Variants in TENM3 observed in about 807,000 individuals in gnomAD.
The protein encoded by TENM3 is teneurin transmembrane protein 3.
In TENM3, 63 loss-of-function variants were observed where a neutral mutation model predicts 255.1. That is an observed-to-expected ratio of 0.25 (90% CI 0.20 to 0.30). The LOEUF (loss-of-function observed/expected upper bound fraction) is 0.30. Among genes scored for constraint, TENM3 ranks in the 10% least tolerant of loss-of-function variants. The probability of loss-of-function intolerance (pLI) is 1.00; values close to 1 mark genes in which losing one functional copy is unlikely to be tolerated. For synonymous variants in TENM3, 1,306 were observed against 1,322.3 expected (o/e 0.99, Z 0.27); for missense variants, 2,929 against 3,461.1 (o/e 0.85, Z 3.86).
chr4:181,467,133 T>A, the TENM3 span, among the ~76,000 whole-genome samples: 15 of 61,116 alleles, frequency 2.5e-4, no homozygotes, highest in African/African-American at 3.6e-4. Context: ...ATATTTTTTT[T>A]TTTTTTTTTT....
rs752326547 is a variant in TENM3, at chr4:182,789,302, C to T, written c.5514C>T (p.Ser1838=). The T allele has an allele frequency of 3.7e-6, 6 of 1,613,654 alleles. No homozygotes were observed. In the Admixed American group the frequency reaches 5.0e-5, roughly 13 times the overall value. The change falls in exon 25 of 28, where the codon AGC becomes AGT. Residue 1838 remains serine, a synonymous_variant. Coordinates refer to ENST00000511685, the MANE Select transcript of TENM3 (RefSeq NM_001080477.4). This position sits in a 1 kb window ranked among gnomAD's most constrained non-coding sequence, Gnocchi z 4.4. ...QIASIQRGTT[S]EKVDYDGQGR... ...CCAGCATCCAGCGAGGCACCACTAG[C>T]GAGAAAGTAGATTATGACGGACAGG...
the TENM3 span, among the ~76,000 whole-genome samples, chr4:182,057,404 TTTTC>T: frequency 6.8e-6 from 1 of 147,528 alleles, no homozygotes; most frequent in Non-Finnish European, 1.5e-5. Flanking sequence ...TTTTCTTTTC[TTTTC>T]TTTTTTTTTT....
chr4:182,302,071 G>A (rs1309657109), intron 1 of TENM3, among the ~76,000 whole-genome samples: 1 of 152,160 alleles, frequency 6.6e-6, no homozygotes, highest in Non-Finnish European at 1.5e-5. Context: ...CAATTAGAGT[G>A]TCTGGATTAA....
the TENM3 span, among the ~76,000 whole-genome samples, chr4:182,064,549 C>T: frequency 1.3e-5 from 2 of 151,946 alleles, no homozygotes; most frequent in Non-Finnish European, 1.5e-5. Context: ...CACCACTGCT[C>T]CAGCCTGGGC....
chr4:181,876,984 TG>T, the TENM3 span: 1 of 152,140 alleles, frequency 6.6e-6, no homozygotes, highest in African/African-American at 2.4e-5. Flanking sequence ...TCAGAGTTAT[TG>T]GAAAGTGTAT....
the TENM3 span, among the ~76,000 whole-genome samples, chr4:181,462,450 C>T: frequency 7.0e-4 from 106 of 152,296 alleles, no homozygotes; most frequent in African/African-American, 2.2e-3. Flanking sequence ...TGAAAACTGC[C>T]TCCAGGCAGT....
chr4:181,595,119 C>G, the TENM3 span, among the ~76,000 whole-genome samples: 1 of 152,122 alleles, frequency 6.6e-6, no homozygotes, highest in Non-Finnish European at 1.5e-5. Flanking sequence ...CCACTTCACC[C>G]TGCATGATTT....
intron 4 of TENM3, among the ~76,000 whole-genome samples, chr4:182,613,819 GT>G: frequency 6.6e-6 from 1 of 152,168 alleles, no homozygotes; most frequent in Non-Finnish European, 1.5e-5. Flanking sequence ...AGTAAAACCA[GT>G]TTTTGTCTGA....
the TENM3 span, among the ~76,000 whole-genome samples, chr4:181,890,479 T>G: frequency 6.6e-6 from 1 of 152,002 alleles, no homozygotes; most frequent in African/African-American, 2.4e-5. Context: ...AAGAAAAAAA[T>G]AGATCCCTTA....
At chr4:181,780,996 C>A in the TENM3 span, among the ~76,000 whole-genome samples, 1 of 152,074 alleles carries the variant, frequency 6.6e-6, no homozygotes, top group South Asian at 2.1e-4. Context: ...TGTTTTGGTA[C>A]CAGTACCATG....
chr4:181,788,754 T>C, the TENM3 span, among the ~76,000 whole-genome samples: 1 of 152,160 alleles, frequency 6.6e-6, no homozygotes, highest in Admixed American at 6.5e-5. Flanking sequence ...CACAGCACCA[T>C]GCTTAGCTAA....
chr4:182,604,679 T>A (rs1162528087), intron 4 of TENM3, among the ~76,000 whole-genome samples: 1 of 152,214 alleles, frequency 6.6e-6, no homozygotes, highest in African/African-American at 2.4e-5. Flanking sequence ...ATTAAACAGC[T>A]TAGTAGTTAC....
At chr4:181,903,180 T>G in the TENM3 span, among the ~76,000 whole-genome samples, 5 of 151,838 alleles carry the variant, frequency 3.3e-5, no homozygotes, top group Admixed American at 2.0e-4. Context: ...GCATCTATAT[T>G]GCTTTAAGAT....
intron 3 of TENM3, among the ~76,000 whole-genome samples, chr4:182,398,631 G>T (rs1307720829): frequency 6.6e-6 from 1 of 152,168 alleles, no homozygotes; most frequent in East Asian, 1.9e-4. Context: ...TACTTGATTG[G>T]CAGTGACTTG....
chr4:182,061,756 G>A, the TENM3 span, among the ~76,000 whole-genome samples: 1 of 152,028 alleles, frequency 6.6e-6, no homozygotes, highest in African/African-American at 2.4e-5. Context: ...CCAAGGAGTT[G>A]GAGGCCAGCC....
At chr4:181,589,559 G>T in the TENM3 span, among the ~76,000 whole-genome samples, 1 of 152,180 alleles carries the variant, frequency 6.6e-6, no homozygotes, top group Admixed American at 6.5e-5. Flanking sequence ...TTTAGGGGGG[G>T]CAAAATTTTA....
intron 11 of TENM3, among the ~76,000 whole-genome samples, chr4:182,683,824 G>A (rs1756361190): frequency 1.3e-5 from 2 of 152,066 alleles, no homozygotes; most frequent in African/African-American, 4.8e-5. Context: ...ACAAGCGTGA[G>A]GTGATGACAG....
chr4:182,657,030 CT>C (rs1428988147), intron 6 of TENM3, among the ~76,000 whole-genome samples: 1 of 152,168 alleles, frequency 6.6e-6, no homozygotes, highest in African/African-American at 2.4e-5. Flanking sequence ...AAACACTGGT[CT>C]CTTTCCAGAA....
intron 3 of TENM3, among the ~76,000 whole-genome samples, chr4:182,450,954 T>C (rs1220951330): frequency 6.6e-6 from 1 of 152,208 alleles, no homozygotes; most frequent in East Asian, 1.9e-4. Context: ...AATGACTAGT[T>C]TCTTAACCTG....
Sources: allele counts gnomAD v4.1 joint callset (sites outside exome capture counted in the v4.1 genomes callset), GRCh38; gene constraint gnomAD v4.1.1; non-coding constraint Gnocchi (gnomAD v3.1); transcripts MANE v1.5; gene names NCBI Gene and HGNC (gene_info 2026-07-23, HGNC 2026-07-21).